EYS: variants seen among roughly 807,000 people sequenced by gnomAD.
The protein encoded by EYS is protein eyes shut homolog.
Under a neutral mutation model 282.1 loss-of-function variants are expected in EYS, and 250 were observed. That is an observed-to-expected ratio of 0.89 (90% confidence interval 0.80 to 0.98). EYS has a LOEUF of 0.98. Among genes scored for constraint, EYS ranks in the 50% least tolerant of loss-of-function variants. EYS has a pLI of 0.00. For missense variants in EYS, 4,016 were observed against 3,709.0 expected (o/e 1.08, Z -2.15); for synonymous variants, 1,355 against 1,282.9 (o/e 1.06, Z -1.20).
intron 33 of EYS, among the ~76,000 whole-genome samples, chr6:64,000,975 A>G (rs529325210): frequency 6.6e-6 from 1 of 152,142 alleles, no homozygotes; most frequent in East Asian, 1.9e-4. Flanking sequence ...AACAAAAAAA[A>G]CTCTATAAAC....
chr6:64,502,839 G>T (rs1357917453), intron 26 of EYS, among the ~76,000 whole-genome samples: 1 of 151,968 alleles, frequency 6.6e-6, no homozygotes, highest in Non-Finnish European at 1.5e-5. Context: ...TACATCATAG[G>T]AATTTAAAAT....
chr6:65,586,927 A>G (rs1765070038), intron 2 of EYS, among the ~76,000 whole-genome samples: 1 of 152,044 alleles, frequency 6.6e-6, no homozygotes, highest in Admixed American at 6.6e-5. Flanking sequence ...TAGATGTCAA[A>G]CATCTTTTAA....
intron 9 of EYS, 34 bp from the exon 10 acceptor site, chr6:65,344,211 C>T (rs1203507454): frequency 6.6e-7 from 1 of 1,510,940 alleles, no homozygotes; most frequent in Admixed American, 1.7e-5. Context: ...ATTAAATAAA[C>T]TCTTACAAAC....
At chr6:63,775,773 A>G (rs1582195426) in intron 40 of EYS, among the ~76,000 whole-genome samples, 1 of 152,294 alleles carries the variant, frequency 6.6e-6, no homozygotes, top group Middle Eastern at 3.4e-3. Context: ...AATTCTTTAA[A>G]CTGCTGCTGC....
intron 2 of EYS, among the ~76,000 whole-genome samples, chr6:65,574,365 C>A (rs895967741): frequency 2.6e-5 from 4 of 151,990 alleles, no homozygotes; most frequent in African/African-American, 9.7e-5. Context: ...GAAGGTCCTG[C>A]AAGTAGCAAG....
At chr6:65,286,962 C>T (rs9354216) in intron 12 of EYS, among the ~76,000 whole-genome samples, 24,844 of 151,200 alleles carry the variant, frequency 0.16, 2,273 homozygotes, top group South Asian at 0.26. Context: ...AATTAAATTA[C>T]GTAAAGCCGG....
intron 1 of EYS, among the ~76,000 whole-genome samples, chr6:65,666,536 C>T (rs967131261): frequency 2.6e-5 from 4 of 151,640 alleles, no homozygotes; most frequent in East Asian, 1.9e-4. Context: ...TTATACCTGT[C>T]GGGTAGTAAA....
chr6:64,028,282 C>G (rs936401184), intron 33 of EYS, among the ~76,000 whole-genome samples: 2 of 152,194 alleles, frequency 1.3e-5, no homozygotes, highest in African/African-American at 2.4e-5. Flanking sequence ...ACCACTTTTC[C>G]TTATCAAAGG....
chr6:65,342,451 C>T (rs1045227266), intron 10 of EYS, among the ~76,000 whole-genome samples: 18 of 150,774 alleles, frequency 1.2e-4, no homozygotes, highest in Non-Finnish European at 2.5e-4. Context: ...TGTAAGTTTA[C>T]AATTTCTAAA....
chr6:65,659,541 T>C (rs1342044905), intron 1 of EYS, among the ~76,000 whole-genome samples: 2 of 151,740 alleles, frequency 1.3e-5, no homozygotes. Flanking sequence ...TACTGGAGTA[T>C]ATATACTGTT....
chr6:65,408,540 C>A (rs1176514466), intron 5 of EYS, among the ~76,000 whole-genome samples: 1 of 152,090 alleles, frequency 6.6e-6, no homozygotes, highest in Non-Finnish European at 1.5e-5. Context: ...TCCTTATAAT[C>A]TTTTAAAGTT....
chr6:64,658,673 T>C (rs558807911), intron 22 of EYS, among the ~76,000 whole-genome samples: 1 of 152,312 alleles, frequency 6.6e-6, no homozygotes, highest in East Asian at 1.9e-4. Flanking sequence ...ACAGCGGATA[T>C]TGGTGAGCAG....
chr6:64,722,093 G>T (rs1771601922), intron 22 of EYS, among the ~76,000 whole-genome samples: 1 of 152,092 alleles, frequency 6.6e-6, no homozygotes, highest in Non-Finnish European at 1.5e-5. Context: ...AATAGAAGTA[G>T]CTCAAAAGTT....
At chr6:64,806,508 A>T (rs1038426686) in intron 22 of EYS, among the ~76,000 whole-genome samples, 1 of 152,048 alleles carries the variant, frequency 6.6e-6, no homozygotes, top group African/African-American at 2.4e-5. Flanking sequence ...ACTTTTACTG[A>T]TTTTCCTGCA....
At chr6:63,839,775 T>C (rs1276212427) in intron 36 of EYS, among the ~76,000 whole-genome samples, 1 of 152,222 alleles carries the variant, frequency 6.6e-6, no homozygotes, top group African/African-American at 2.4e-5. Flanking sequence ...GTTCTATTTT[T>C]AGTTTTTTGA....
Position 64,164,263 on chromosome 6 carries a change from C to T in EYS, c.6424+66329G>A, listed in dbSNP as rs997993122. 4.6e-5 allele frequency among the ~76,000 whole-genome samples: 7 copies of T among 152,160 alleles called. No individual in the cohort carries two copies. The East Asian group carries it at 9.7e-4, about 21-fold the overall frequency. On this transcript the variant is annotated intron_variant, in intron 31 of 42. Coordinates refer to ENST00000503581, the MANE Select transcript of EYS (RefSeq NM_001142800.2). ...AGTTTGTTTTTTAGTTGCTTTAAAACGGAGACTATATTGATAAAATATTTT... is the reference window on the plus strand; with the variant it reads ...AGTTTGTTTTTTAGTTGCTTTAAAATGGAGACTATATTGATAAAATATTTT...
chr6:65,582,884 A>G (rs1037380496), intron 2 of EYS, among the ~76,000 whole-genome samples: 6 of 152,088 alleles, frequency 3.9e-5, no homozygotes, highest in Admixed American at 2.6e-4. Flanking sequence ...ATGTAACCAC[A>G]TTAAAATGTT....
At chr6:65,113,412 T>C (rs1775275035) in intron 12 of EYS, among the ~76,000 whole-genome samples, 1 of 151,906 alleles carries the variant, frequency 6.6e-6, no homozygotes, top group African/African-American at 2.4e-5. Context: ...ATTGTATAGG[T>C]TTATTCCTGA....
intron 31 of EYS, among the ~76,000 whole-genome samples, chr6:64,204,431 T>C (rs1171996523): frequency 6.6e-6 from 1 of 152,138 alleles, no homozygotes; most frequent in African/African-American, 2.4e-5. Context: ...GCATCTTTTT[T>C]TAATTGTAGC....
Sources: allele counts gnomAD v4.1 joint callset (sites outside exome capture counted in the v4.1 genomes callset), GRCh38; gene constraint gnomAD v4.1.1; transcripts MANE v1.5; gene names NCBI Gene and HGNC (gene_info 2026-07-23, HGNC 2026-07-21).